Variants in SUGCT observed in about 807,000 individuals in gnomAD.
SUGCT encodes the protein succinyl-CoA:glutarate-CoA transferase, also known as succinyl-CoA:glutarate CoA-transferase.
SUGCT carries 41 observed loss-of-function variants against 55.0 expected under a neutral mutation model. That is an observed-to-expected ratio of 0.74 (90% confidence interval 0.58 to 0.97). The LOEUF is 0.97. Ranked by LOEUF, SUGCT falls within the 50% of genes least tolerant of loss-of-function variation. The pLI, the probability that SUGCT is intolerant of heterozygous loss-of-function variation, is 0.00. For synonymous variants in SUGCT, 187 were observed against 200.4 expected (o/e 0.93, Z 0.56); for missense variants, 568 against 547.8 (o/e 1.04, Z -0.37).
the SUGCT span, among the ~76,000 whole-genome samples, chr7:40,996,514 G>A: frequency 6.6e-6 from 1 of 152,286 alleles, no homozygotes; most frequent in South Asian, 2.1e-4. Context: ...CCTACTGAAG[G>A]CTGAAGGAAT....
chr7:40,623,066 ACT>A (rs1411855907), intron 12 of SUGCT, among the ~76,000 whole-genome samples: 1 of 151,992 alleles, frequency 6.6e-6, no homozygotes, highest in South Asian at 2.1e-4. Flanking sequence ...CTCTGTCCAA[ACT>A]CTCTGATGCT....
At chr7:40,848,281 G>C (rs1793678159) in intron 13 of SUGCT, among the ~76,000 whole-genome samples, 1 of 152,018 alleles carries the variant, frequency 6.6e-6, no homozygotes, top group Admixed American at 6.6e-5. Context: ...ACTAACTAAA[G>C]TCTCACAGGA....
chr7:40,798,608 C>G (rs184696875), intron 13 of SUGCT, among the ~76,000 whole-genome samples: 80 of 152,254 alleles, frequency 5.3e-4, no homozygotes, highest in African/African-American at 1.9e-3. Context: ...ACATTGGTGT[C>G]TTGGGTTTAA....
At chr7:40,439,070 A>G (rs371009864) in intron 9 of SUGCT, among the ~76,000 whole-genome samples, 17,985 of 52,044 alleles carry the variant, frequency 0.35, 4,112 homozygotes, top group Non-Finnish European at 0.42. Flanking sequence ...TGGTGTATAT[A>G]TATATATATA....
At chr7:40,684,916 C>T (rs545950595) in intron 12 of SUGCT, among the ~76,000 whole-genome samples, 33 of 152,142 alleles carry the variant, frequency 2.2e-4, no homozygotes, top group Non-Finnish European at 3.7e-4. Context: ...CTGCAACCTC[C>T]GCCTCCTGGG....
chr7:40,509,966 G>T (rs1432623130), intron 12 of SUGCT, among the ~76,000 whole-genome samples: 1 of 152,060 alleles, frequency 6.6e-6, no homozygotes, highest in Non-Finnish European at 1.5e-5. Context: ...TTTGAAAAAA[G>T]TTTTTTGATC....
At chr7:40,905,735 A>C in the SUGCT span, among the ~76,000 whole-genome samples, 4 of 148,812 alleles carry the variant, frequency 2.7e-5, no homozygotes, top group Non-Finnish European at 4.4e-5. Context: ...TTTTCTTTAG[A>C]GGCAGGATCT....
chr7:40,275,949 G>A (rs1316510867), intron 8 of SUGCT, among the ~76,000 whole-genome samples: 1 of 152,212 alleles, frequency 6.6e-6, no homozygotes, highest in African/African-American at 2.4e-5. Flanking sequence ...TGTGCAAGGA[G>A]ACATTTTACT....
At chr7:40,984,434 A>G in the SUGCT span, among the ~76,000 whole-genome samples, 1 of 152,128 alleles carries the variant, frequency 6.6e-6, no homozygotes, top group Non-Finnish European at 1.5e-5. Context: ...TGACTTTCCT[A>G]TAGCCATACA....
chr7:40,902,159 G>A, the SUGCT span, among the ~76,000 whole-genome samples: 1 of 152,220 alleles, frequency 6.6e-6, no homozygotes, highest in Non-Finnish European at 1.5e-5. Flanking sequence ...ACCGTGAAAT[G>A]AGTGTTCAGG....
rs186938102 is a variant in SUGCT at position 40,610,733 on chromosome 7, A to G, written c.1089+114347A>G. Among the ~76,000 whole-genome samples, 8 of 152,324 alleles carry G rather than the reference A, an allele frequency of 5.3e-5. 1 individual carries two copies. In the East Asian group the frequency reaches 1.5e-3, roughly 29 times the overall value. On this transcript the variant is annotated intron_variant, in intron 12 of 13. Coordinates refer to ENST00000335693, the MANE Select transcript of SUGCT (RefSeq NM_001193313.2). ...AACCAGCAAATCCTAGTGATTCTGG[A>G]CTGCCCTTGGAATCCCAGTGCTGGT...
chr7:40,432,324 G>A (rs1787933359), intron 9 of SUGCT, among the ~76,000 whole-genome samples: 1 of 152,130 alleles, frequency 6.6e-6, no homozygotes, highest in East Asian at 1.9e-4. Context: ...GGTTCCTGCT[G>A]AACAAACCCA....
intron 11 of SUGCT, among the ~76,000 whole-genome samples, chr7:40,473,531 G>A (rs185178205): frequency 5.3e-5 from 8 of 152,028 alleles, no homozygotes; most frequent in Non-Finnish European, 1.0e-4. Context: ...TCCTTCTATC[G>A]GTTAGCAGCA....
At chr7:40,843,132 T>G (rs989219173) in intron 13 of SUGCT, among the ~76,000 whole-genome samples, 2 of 152,048 alleles carry the variant, frequency 1.3e-5, no homozygotes. Context: ...GAATGGTAGA[T>G]GTACATGAAA....
At chr7:40,609,428 G>C (rs186614012) in intron 12 of SUGCT, among the ~76,000 whole-genome samples, 3 of 151,758 alleles carry the variant, frequency 2.0e-5, no homozygotes, top group Admixed American at 6.6e-5. Flanking sequence ...TTAGCCGGGC[G>C]TGGTGGCGGG....
chr7:40,150,492 A>G (rs1788503385), intron 1 of SUGCT, among the ~76,000 whole-genome samples: 2 of 152,168 alleles, frequency 1.3e-5, no homozygotes, highest in African/African-American at 4.8e-5. Context: ...AACATAGTGA[A>G]ACCACATCTC....
At chr7:40,250,076 T>C (rs998856532) in intron 7 of SUGCT, among the ~76,000 whole-genome samples, 1 of 152,030 alleles carries the variant, frequency 6.6e-6, no homozygotes, top group Admixed American at 6.6e-5. Flanking sequence ...TGTGAGCCAC[T>C]GCGCCCGGCT....
At chr7:40,205,022 G>A (rs1486446699) in intron 6 of SUGCT, among the ~76,000 whole-genome samples, 1 of 152,090 alleles carries the variant, frequency 6.6e-6, no homozygotes, top group Non-Finnish European at 1.5e-5. Context: ...GGGAGGCTGA[G>A]GCAGGTGGAT....
intron 12 of SUGCT, among the ~76,000 whole-genome samples, chr7:40,612,291 G>A (rs2151773388): frequency 6.6e-6 from 1 of 152,254 alleles, no homozygotes; most frequent in Middle Eastern, 3.4e-3. Flanking sequence ...CTCATAGTAA[G>A]TGCCCTGGAA....
Sources: gnomAD v4.1 joint callset for allele counts (sites outside exome capture counted in the v4.1 genomes callset) on GRCh38, gnomAD v4.1.1 for gene constraint, MANE v1.5 for transcripts, NCBI Gene and HGNC (gene_info 2026-07-23, HGNC 2026-07-21) for gene names.